Variants in CSMD1 observed in about 807,000 individuals in gnomAD.
CSMD1 encodes CUB and Sushi multiple domains 1, also known as CUB and sushi domain-containing protein 1.
CSMD1 carries 213 observed loss-of-function variants against 417.5 expected under a neutral mutation model. The observed-to-expected ratio is 0.51, with a 90% CI of 0.46 to 0.57. The LOEUF (loss-of-function observed/expected upper bound fraction) is 0.57. CSMD1 is among the 20% of genes least tolerant of loss of function. The pLI, the probability that CSMD1 is intolerant of heterozygous loss-of-function variation, is 0.00. For missense variants in CSMD1, 6,923 were observed against 4,529.7 expected (o/e 1.53, Z -15.17); for synonymous variants, 2,862 against 1,736.8 (o/e 1.65, Z -16.11).
chr8:4,276,653 C>T (rs1426356958), intron 3 of CSMD1, among the ~76,000 whole-genome samples: 1 of 152,106 alleles, frequency 6.6e-6, no homozygotes, highest in Non-Finnish European at 1.5e-5. Flanking sequence ...GATTCAAAGT[C>T]TTATTTTCCT....
intron 1 of CSMD1, among the ~76,000 whole-genome samples, chr8:4,981,621 G>C (rs1053097408): frequency 2.0e-5 from 3 of 152,132 alleles, no homozygotes; most frequent in Non-Finnish European, 4.4e-5. Flanking sequence ...TGGTTGCTAA[G>C]CTCTTTGCTG....
intron 2 of CSMD1, among the ~76,000 whole-genome samples, chr8:4,576,009 T>C (rs992689239): frequency 6.6e-6 from 1 of 152,250 alleles, no homozygotes; most frequent in East Asian, 1.9e-4. Flanking sequence ...CGTGATCTCT[T>C]GGGTGGAAAA....
intron 42 of CSMD1, chr8:3,112,832 C>T (rs1816602281): frequency 6.6e-6 from 1 of 152,216 alleles, no homozygotes; most frequent in Admixed American, 6.5e-5. Context: ...CATAAGCACA[C>T]AAAATTCTCT....
At chr8:3,366,941 TACAC>T (rs143255259) in intron 20 of CSMD1, 87 bp downstream of exon 20, 77 of 932,928 alleles carry the variant, frequency 8.3e-5, no homozygotes, top group Non-Finnish European at 9.9e-5. Flanking sequence ...ATGCACACAT[TACAC>T]ACACACACAC....
intron 2 of CSMD1, among the ~76,000 whole-genome samples, chr8:4,564,357 T>G (rs1035842581): frequency 6.6e-6 from 1 of 152,154 alleles, no homozygotes; most frequent in African/African-American, 2.4e-5. Context: ...ATAAGAAAAA[T>G]AACATAGATT....
chr8:3,212,731 A>G (rs904919349), intron 30 of CSMD1, among the ~76,000 whole-genome samples: 1 of 152,212 alleles, frequency 6.6e-6, no homozygotes, highest in African/African-American at 2.4e-5. Context: ...TTTCAGGATC[A>G]TAAGAGAATG....
intron 1 of CSMD1, among the ~76,000 whole-genome samples, chr8:4,845,465 C>G (rs959198480): frequency 6.6e-6 from 1 of 152,192 alleles, no homozygotes; most frequent in African/African-American, 2.4e-5. Context: ...CAAGTGCAAT[C>G]AGCAAAACAT....
chr8:4,954,109 A>C (rs1038546030), intron 1 of CSMD1, among the ~76,000 whole-genome samples: 6 of 152,160 alleles, frequency 3.9e-5, no homozygotes, highest in Non-Finnish European at 7.3e-5. Flanking sequence ...CAATTTAAAC[A>C]CATTATTTTA....
chr8:3,371,527 T>G (rs970159941), intron 18 of CSMD1, among the ~76,000 whole-genome samples: 3 of 152,122 alleles, frequency 2.0e-5, no homozygotes, highest in African/African-American at 7.2e-5. Flanking sequence ...ATATTTATAC[T>G]TCTTTTCTTA....
chr8:4,115,893 A>C (rs932668614), intron 3 of CSMD1, among the ~76,000 whole-genome samples: 1 of 152,120 alleles, frequency 6.6e-6, no homozygotes, highest in Non-Finnish European at 1.5e-5. Context: ...AGGAAGACAG[A>C]AGAAAGATCA....
chr8:3,182,622 G>GAAGC (rs1821422522), intron 36 of CSMD1, among the ~76,000 whole-genome samples: 1 of 56,816 alleles, frequency 1.8e-5, no homozygotes. Flanking sequence ...GTGTGTGTGT[G>GAAGC]TGTGTGTGTG....
At chr8:4,653,345 G>C (rs925365491) in intron 1 of CSMD1, among the ~76,000 whole-genome samples, 2 of 152,072 alleles carry the variant, frequency 1.3e-5, no homozygotes, top group African/African-American at 4.8e-5. Flanking sequence ...GACTCAAGTA[G>C]GTCATGGCTA....
intron 26 of CSMD1, among the ~76,000 whole-genome samples, chr8:3,269,623 A>C (rs1173618820): frequency 6.6e-6 from 1 of 152,134 alleles, no homozygotes; most frequent in Non-Finnish European, 1.5e-5. Context: ...TTGCAGAGCC[A>C]TTTTTCCCTG....
At chr8:4,133,321 A>T (rs968243126) in intron 3 of CSMD1, among the ~76,000 whole-genome samples, 1 of 152,258 alleles carries the variant, frequency 6.6e-6, no homozygotes, top group Non-Finnish European at 1.5e-5. Flanking sequence ...AATGAGGACA[A>T]ATAATGATAG....
chr8:4,840,856 A>G (rs1374003073), intron 1 of CSMD1, among the ~76,000 whole-genome samples: 1 of 152,224 alleles, frequency 6.6e-6, no homozygotes, highest in Non-Finnish European at 1.5e-5. Context: ...CTATTAATAA[A>G]AATACATTCT....
chr8:4,576,033 C>G (rs769012507), intron 2 of CSMD1, among the ~76,000 whole-genome samples: 7 of 152,246 alleles, frequency 4.6e-5, no homozygotes, highest in Non-Finnish European at 1.0e-4. Flanking sequence ...CAATTATTTA[C>G]TGCATTATCT....
chr8:3,312,073 T>G (rs1805392046), intron 23 of CSMD1, among the ~76,000 whole-genome samples: 1 of 152,174 alleles, frequency 6.6e-6, no homozygotes, highest in African/African-American at 2.4e-5. Context: ...AAGCTTTGTT[T>G]TGTAATGTTT....
At chr8:3,902,205 G>C (rs755986250) in intron 5 of CSMD1, among the ~76,000 whole-genome samples, 1 of 152,128 alleles carries the variant, frequency 6.6e-6, no homozygotes. Flanking sequence ...TGATACTTCA[G>C]CATTTTCTAT....
chr8:3,141,940 G>A (rs1352403246), intron 41 of CSMD1, among the ~76,000 whole-genome samples: 1 of 151,694 alleles, frequency 6.6e-6, no homozygotes, highest in Admixed American at 6.6e-5. Flanking sequence ...TGGGACTACA[G>A]GCGCCCGCCA....
Sources: gnomAD v4.1 joint callset for allele counts (sites outside exome capture counted in the v4.1 genomes callset) on GRCh38, gnomAD v4.1.1 for gene constraint, MANE v1.5 for transcripts, NCBI Gene and HGNC (gene_info 2026-07-23, HGNC 2026-07-21) for gene names.